Variants in PFDN1 observed in about 807,000 individuals in gnomAD.
The protein encoded by PFDN1 is prefoldin subunit 1.
PFDN1 carries 6 observed loss-of-function variants against 17.3 expected under a neutral mutation model. That is an observed-to-expected ratio of 0.35 (90% CI 0.19 to 0.69). PFDN1 has a LOEUF of 0.69. PFDN1 is among the 30% of genes least tolerant of loss of function. PFDN1 has a pLI of 0.65. For missense variants in PFDN1, 113 were observed against 146.2 expected, an observed-to-expected ratio of 0.77 and a Z score of 1.17; for synonymous variants, 58 against 50.1, an observed-to-expected ratio of 1.16 and a Z score of -0.67.
chr5:140,284,256 C>T lies in PFDN1; in HGVS notation c.201-2723G>A, dbSNP rs538507055. Among the ~76,000 whole-genome samples, 32 of 152,292 alleles carry T rather than the reference C, an allele frequency of 2.1e-4. No homozygotes were observed. In the South Asian group the frequency reaches 5.6e-3, roughly 27 times the overall value. ...CAACTTACTACTACAAACCTAAGGACATCTCAGCCACGCAAGTTTTAACAA... is the reference window on the plus strand; with the variant it reads ...CAACTTACTACTACAAACCTAAGGATATCTCAGCCACGCAAGTTTTAACAA... On this transcript the variant is annotated intron_variant, in intron 2 of 3. Coordinates refer to ENST00000261813, the MANE Select transcript of PFDN1 (RefSeq NM_002622.5).
At chr5:140,300,850 T>C (rs985867097) in intron 1 of PFDN1, among the ~76,000 whole-genome samples, 1 of 152,160 alleles carries the variant, frequency 6.6e-6, no homozygotes, top group African/African-American at 2.4e-5. Flanking sequence ...CAAGGAGTAG[T>C]AAAAGAAATA....
At chr5:140,295,645 CTGG>C in intron 2 of PFDN1, among the ~76,000 whole-genome samples, 1 of 152,156 alleles carries the variant, frequency 6.6e-6, no homozygotes, top group Non-Finnish European at 1.5e-5. Flanking sequence ...CGCCAAAAGA[CTGG>C]ATGGAATATA....
chr5:140,267,138 G>A (rs1160199415), intron 3 of PFDN1, among the ~76,000 whole-genome samples: 1 of 152,204 alleles, frequency 6.6e-6, no homozygotes, highest in Non-Finnish European at 1.5e-5. Flanking sequence ...TTACATGCAG[G>A]TGCACTGGAA....
chr5:140,269,192 T>C (rs1765171731), intron 3 of PFDN1, among the ~76,000 whole-genome samples: 1 of 152,086 alleles, frequency 6.6e-6, no homozygotes, highest in Non-Finnish European at 1.5e-5. Flanking sequence ...TTTTAATTAT[T>C]TGTAGAGATG....
At chr5:140,281,789 G>A in intron 2 of PFDN1, 1 of 311,458 alleles carries the variant, frequency 3.2e-6, no homozygotes, top group Non-Finnish European at 6.0e-6. Context: ...TACAGTCCCA[G>A]ATACTCAGGA....
intron 3 of PFDN1, among the ~76,000 whole-genome samples, chr5:140,278,445 C>G (rs1020407120): frequency 2.8e-4 from 42 of 150,666 alleles, no homozygotes; most frequent in Non-Finnish European, 5.2e-4. Context: ...CCTGTAGTCC[C>G]AGGTACTCAG....
chr5:140,284,540 TAA>T (rs1161313860), intron 2 of PFDN1, among the ~76,000 whole-genome samples: 1 of 152,236 alleles, frequency 6.6e-6, no homozygotes. Context: ...CATGATAATA[TAA>T]GTCTTATCAT....
At chr5:140,288,408 A>T (rs1019701912) in intron 2 of PFDN1, among the ~76,000 whole-genome samples, 3 of 152,332 alleles carry the variant, frequency 2.0e-5, no homozygotes, top group South Asian at 2.1e-4. Flanking sequence ...CAGGGAAGAC[A>T]GTGGGGAAGG....
rs772575762 is a variant in PFDN1 at position 140,279,995 on chromosome 5, CA to C, written c.285+1453del. Among the ~76,000 whole-genome samples, 30 of 31,262 alleles carry C rather than the reference CA, an allele frequency of 9.6e-4. No homozygotes were observed. The South Asian group carries it at 0.012, about 12-fold the overall frequency. 20.5% of individuals were successfully genotyped at this position (31,262 alleles called of 152,430 possible). ...GGGCAACAAGAGCGAAACTCCGTCTCAAAAAAAAAAAAAAAAAACAAAAAAA... is the reference window on the plus strand; with the variant it reads ...GGGCAACAAGAGCGAAACTCCGTCTCAAAAAAAAAAAAAAAAACAAAAAAA... On this transcript the variant is annotated intron_variant, in intron 3 of 3. Transcript: ENST00000261813.
intron 3 of PFDN1, among the ~76,000 whole-genome samples, chr5:140,252,616 T>C (rs1262799269): frequency 6.6e-6 from 1 of 152,238 alleles, no homozygotes; most frequent in African/African-American, 2.4e-5. Flanking sequence ...GTTCGCTCAC[T>C]GGCAGATCTG....
intron 3 of PFDN1, among the ~76,000 whole-genome samples, chr5:140,279,600 T>TAC (rs1765359180): frequency 1.3e-5 from 2 of 152,194 alleles, no homozygotes; most frequent in African/African-American, 4.8e-5. Context: ...TAGCTGGGAC[T>TAC]ACAAGCATTT....
chr5:140,283,270 T>C (rs1348369191), intron 2 of PFDN1, among the ~76,000 whole-genome samples: 2 of 152,188 alleles, frequency 1.3e-5, no homozygotes, highest in African/African-American at 4.8e-5. Context: ...TCTCGCTCTG[T>C]TGCCCAGGCT....
chr5:140,275,510 C>T (rs1370088403), intron 3 of PFDN1, among the ~76,000 whole-genome samples: 1 of 152,058 alleles, frequency 6.6e-6, no homozygotes, highest in South Asian at 2.1e-4. Flanking sequence ...CCACCCCTGC[C>T]TATAAGAGAC....
rs940042420 is a variant in PFDN1 at position 140,269,743 on chromosome 5, C to A, written c.285+11706G>T. On this transcript the variant is annotated intron_variant, in intron 3 of 3. Transcript: ENST00000261813. ...CCTAAAATGGAAACTCAGAAAAAGA[C>A]CAAGGTTATAACAATAAACTTAATA... Among the ~76,000 whole-genome samples, 21 of 152,286 alleles carry A rather than the reference C, an allele frequency of 1.4e-4. No homozygotes were observed. The South Asian group carries it at 4.3e-3, about 32-fold the overall frequency.
chr5:140,287,238 G>C (rs550456255), intron 2 of PFDN1, among the ~76,000 whole-genome samples: 2 of 152,204 alleles, frequency 1.3e-5, no homozygotes, highest in Non-Finnish European at 2.9e-5. Context: ...TCATATGAGA[G>C]AGAAGTTACA....
At chr5:140,280,014 C>CCAAAAAAAAAAAAAAAAAAAAAAAAAAA (rs1335205089) in intron 3 of PFDN1, among the ~76,000 whole-genome samples, 3 of 99,128 alleles carry the variant, frequency 3.0e-5, no homozygotes, top group Non-Finnish European at 5.6e-5. Context: ...AAAAAAAAAA[C>CCAAAAAAAAAAAAAAAAAAAAAAAAAAA]AAAAAAAGAA....
chr5:140,295,714 T>C (rs751799109), intron 2 of PFDN1, among the ~76,000 whole-genome samples: 15 of 152,178 alleles, frequency 9.9e-5, no homozygotes, highest in African/African-American at 3.6e-4. Flanking sequence ...TCATCTCTTA[T>C]CCTGTAGCTT....
At chr5:140,273,834 C>A (rs988629735) in intron 3 of PFDN1, 3 of 868,942 alleles carry the variant, frequency 3.5e-6, no homozygotes, top group Non-Finnish European at 4.1e-6. Flanking sequence ...ATGTTGGAGA[C>A]AGAGGGGAAG....
chr5:140,267,786 C>A (rs377720751), intron 3 of PFDN1, among the ~76,000 whole-genome samples: 4 of 150,582 alleles, frequency 2.7e-5, no homozygotes, highest in South Asian at 2.1e-4. Flanking sequence ...CTTCCTCCAA[C>A]CCTAAGAAAG....
Sources: allele counts gnomAD v4.1 joint callset (sites outside exome capture counted in the v4.1 genomes callset), GRCh38; gene constraint gnomAD v4.1.1; transcripts MANE v1.5; gene names NCBI Gene and HGNC (gene_info 2026-07-23, HGNC 2026-07-21).